MTUS1: variants seen among roughly 807,000 people sequenced by gnomAD.
The protein encoded by MTUS1 is microtubule-associated tumor suppressor 1.
Under a neutral mutation model 120.8 loss-of-function variants are expected in MTUS1, and 109 were observed. That is an observed-to-expected ratio of 0.90 (90% CI 0.77 to 1.06). MTUS1 has a LOEUF of 1.06. MTUS1 is among the 50% of genes least tolerant of loss of function. MTUS1 has a pLI of 0.00. For synonymous variants in MTUS1, 737 were observed against 550.5 expected, an observed-to-expected ratio of 1.34 and a Z score of -4.74; for missense variants, 2,210 against 1,486.3, an observed-to-expected ratio of 1.49 and a Z score of -8.01.
Position 17,655,992 on chromosome 8 carries a change from G to C in MTUS1, c.2979C>G (p.Val993=), listed in dbSNP as rs1808137839. 1 of 1,614,184 alleles carries C rather than the reference G, an allele frequency of 6.2e-7. No individual in the cohort carries two copies. Among genetic ancestry groups the C allele is most frequent in the East Asian group, 2.2e-5 (1 of 44,882 alleles). Residue 993 remains valine (V), a synonymous_variant, in exon 9 of 15, where the codon GTC becomes GTG. Coordinates refer to ENST00000693296, the MANE Select transcript of MTUS1 (RefSeq NM_001363059.2). ...CTGTTTTTTCAGCCTGGTGCTGCTG[G>C]ACGAATGCTTCATACACTGTTTGTA... The part of the protein sequence containing the change: ...NELQTVYEAF[V]QQHQAEKTER...
chr8:17,685,696 G>A (rs1815639973), intron 6 of MTUS1, among the ~76,000 whole-genome samples: 1 of 151,750 alleles, frequency 6.6e-6, no homozygotes, highest in African/African-American at 2.4e-5. Context: ...TAAAAACAGG[G>A]AAAAAAAGGC....
chr8:17,794,618 C>A (rs1174515718), intron 1 of MTUS1, among the ~76,000 whole-genome samples: 1 of 152,182 alleles, frequency 6.6e-6, no homozygotes, highest in Admixed American at 6.5e-5. Context: ...GCAATCCTCA[C>A]TTCAATTAAA....
intron 3 of MTUS1, among the ~76,000 whole-genome samples, chr8:17,728,945 A>T (rs1224481888): frequency 6.6e-6 from 1 of 152,212 alleles, no homozygotes; most frequent in Admixed American, 6.5e-5. Flanking sequence ...TAACTAAAAA[A>T]TGAAAAGATT....
At chr8:17,770,931 G>A (rs2049977293) in intron 1 of MTUS1, among the ~76,000 whole-genome samples, 4 of 152,164 alleles carry the variant, frequency 2.6e-5, no homozygotes, top group Non-Finnish European at 5.9e-5. Context: ...CACTGTGGCT[G>A]GGTGACTGCT....
intron 13 of MTUS1, 187 bp from the exon 14 acceptor site, chr8:17,647,266 G>C (rs1563552565): frequency 1.9e-6 from 1 of 525,760 alleles, no homozygotes; most frequent in East Asian, 3.2e-5. Context: ...AGAGCGGCTG[G>C]GTATTTTTAA....
intron 8 of MTUS1, among the ~76,000 whole-genome samples, chr8:17,660,229 G>A (rs369869860): frequency 5.9e-5 from 9 of 152,106 alleles, no homozygotes; most frequent in African/African-American, 1.4e-4. Flanking sequence ...AAAAATTAGC[G>A]GGGCATGATG....
At chr8:17,738,319 G>A (rs2047072476) in intron 3 of MTUS1, among the ~76,000 whole-genome samples, 1 of 152,192 alleles carries the variant, frequency 6.6e-6, no homozygotes, top group Non-Finnish European at 1.5e-5. Context: ...TCAGCTCACA[G>A]GAGTCACGGG....
intron 1 of MTUS1, among the ~76,000 whole-genome samples, chr8:17,783,720 A>C (rs961722423): frequency 5.9e-5 from 9 of 152,090 alleles, no homozygotes; most frequent in Admixed American, 2.0e-4. Flanking sequence ...CTTTACAATC[A>C]CTGGTATCTG....
chr8:17,796,116 A>T (rs1206496351), intron 1 of MTUS1, among the ~76,000 whole-genome samples: 2 of 151,098 alleles, frequency 1.3e-5, no homozygotes, highest in Non-Finnish European at 2.9e-5. Context: ...CACCCAGCTA[A>T]TTTTTTGTAT....
At chr8:17,785,326 A>T (rs2131549576) in intron 1 of MTUS1, among the ~76,000 whole-genome samples, 1 of 152,348 alleles carries the variant, frequency 6.6e-6, no homozygotes, top group Non-Finnish European at 1.5e-5. Context: ...TGTTACAGAT[A>T]TGGAGAAAAC....
chr8:17,795,074 C>A (rs1428621038), intron 1 of MTUS1, among the ~76,000 whole-genome samples: 1 of 152,178 alleles, frequency 6.6e-6, no homozygotes, highest in Non-Finnish European at 1.5e-5. Context: ...AATATTGATT[C>A]TTTTCATCCA....
Position 17,766,524 on chromosome 8 carries a change from C to A in MTUS1, c.-154-10563G>T, listed in dbSNP as rs186351864. The stretch of plus-strand genomic sequence containing the variant: ...TCTTTTAGACATTTGCAGATCTTAT[C>A]TGAAGGTGACTAAGAGCCCAGAGTT... On this transcript the variant is annotated intron_variant, in intron 1 of 14. Coordinates refer to ENST00000693296, the MANE Select transcript of MTUS1 (RefSeq NM_001363059.2). Among the ~76,000 whole-genome samples the A allele has an allele frequency of 3.3e-5, 5 of 152,290 alleles. No individual in the cohort carries two copies. In the East Asian group the frequency reaches 5.8e-4, roughly 18 times the overall value.
In MTUS1 at chr8:17,725,266, G is replaced by C. The variant is rs569547850; in HGVS notation, c.2288-1433C>G. 9.8e-5 allele frequency among the ~76,000 whole-genome samples: 15 copies of C among 152,302 alleles called. No homozygotes were observed. The East Asian group carries it at 2.9e-3, about 29-fold the overall frequency. On this transcript the variant is annotated intron_variant, in intron 3 of 14. Coordinates refer to ENST00000693296, the MANE Select transcript of MTUS1 (RefSeq NM_001363059.2). ...GTGAGTCAAATAATGCTGCTGGAAA[G>C]TAATGCCCATTGCTTTGTTCTAGCG... is the stretch of plus-strand genomic sequence containing the variant.
chr8:17,655,019 C>A, intron 9 of MTUS1: 1 of 213,070 alleles, frequency 4.7e-6, no homozygotes. Context: ...GGAACACAGA[C>A]ACAGAGGCTC....
At chr8:17,676,499 G>C in intron 7 of MTUS1, 2 of 596,818 alleles carry the variant, frequency 3.4e-6, no homozygotes, top group Non-Finnish European at 6.0e-6. Flanking sequence ...GTGTGCCTCG[G>C]ATTCCTCACT....
At chr8:17,660,254 T>G (rs539369332) in intron 8 of MTUS1, among the ~76,000 whole-genome samples, 1 of 152,146 alleles carries the variant, frequency 6.6e-6, no homozygotes, top group African/African-American at 2.4e-5. Context: ...ACGTCTGTAG[T>G]CCCAGCTACT....
intron 1 of MTUS1, among the ~76,000 whole-genome samples, chr8:17,763,520 A>G (rs1290826687): frequency 6.6e-6 from 1 of 152,156 alleles, no homozygotes; most frequent in Non-Finnish European, 1.5e-5. Context: ...GAAGTGACTT[A>G]GTGGATTTTT....
chr8:17,747,814 A>T (rs942147528), intron 2 of MTUS1, among the ~76,000 whole-genome samples: 6 of 152,204 alleles, frequency 3.9e-5, no homozygotes, highest in African/African-American at 1.4e-4. Context: ...GTTTAATTGG[A>T]CTTAAGAGTT....
At chr8:17,745,175 C>T (rs144768643) in intron 2 of MTUS1, among the ~76,000 whole-genome samples, 91 of 152,248 alleles carry the variant, frequency 6.0e-4, no homozygotes, top group Middle Eastern at 3.4e-3. Context: ...GTATTAGCTA[C>T]GTGAAAGGAA....
Sources: allele counts gnomAD v4.1 joint callset (sites outside exome capture counted in the v4.1 genomes callset), GRCh38; gene constraint gnomAD v4.1.1; transcripts MANE v1.5; gene names NCBI Gene and HGNC (gene_info 2026-07-23, HGNC 2026-07-21).